The following GALNT12 variants were observed in gnomAD, a reference collection of about 807,000 sequenced individuals.
The protein encoded by GALNT12 is UDP-GalNAc:polypeptide N-acetylgalactosaminyltransferase 12.
Under a neutral mutation model 55.5 loss-of-function variants are expected in GALNT12, and 45 were observed. The ratio of observed to expected loss-of-function variants is 0.81; its 90% CI spans 0.64 to 1.04. The LOEUF (loss-of-function observed/expected upper bound fraction) is 1.04, where lower values mean the gene tolerates loss of function less well. Among genes scored for constraint, GALNT12 ranks in the 50% least tolerant of loss-of-function variants. The pLI, the probability that GALNT12 is intolerant of heterozygous loss-of-function variation, is 0.00. For missense variants in GALNT12, 709 were observed against 754.8 expected (o/e 0.94, Z 0.71); for synonymous variants, 304 against 312.2 (o/e 0.97, Z 0.28).
chr9:98,820,612 C>G (rs906150902), intron 1 of GALNT12, among the ~76,000 whole-genome samples: 1 of 152,108 alleles, frequency 6.6e-6, no homozygotes, highest in African/African-American at 2.4e-5. Flanking sequence ...GGGTGTGTAC[C>G]CAGTAATGGG....
chr9:98,834,126 T>A (rs1836071610), intron 4 of GALNT12, among the ~76,000 whole-genome samples: 1 of 149,606 alleles, frequency 6.7e-6, no homozygotes, highest in African/African-American at 2.5e-5. Flanking sequence ...TCTTTCCCTA[T>A]TTTTTTTTTC....
At chr9:98,815,145 T>C (rs1006832708) in intron 1 of GALNT12, among the ~76,000 whole-genome samples, 3 of 152,212 alleles carry the variant, frequency 2.0e-5, no homozygotes, top group Non-Finnish European at 4.4e-5. Context: ...AGTGTTTTTT[T>C]CTGGAAGCAA....
At chr9:98,844,020 C>A (rs968827331) in intron 7 of GALNT12, 76 bp from the exon 8 acceptor site, 143 of 988,120 alleles carry the variant, frequency 1.4e-4, no homozygotes, top group Non-Finnish European at 2.0e-4. Flanking sequence ...ATGCCAGGTA[C>A]CCTCCCCAAG....
intron 5 of GALNT12, among the ~76,000 whole-genome samples, chr9:98,836,383 C>T (rs1230919160): frequency 2.0e-5 from 3 of 152,302 alleles, no homozygotes; most frequent in Non-Finnish European, 2.9e-5. Flanking sequence ...CGAGGACTCA[C>T]GCCCTCTGTA....
chr9:98,814,276 A>C (rs527588553), intron 1 of GALNT12, among the ~76,000 whole-genome samples: 5 of 152,354 alleles, frequency 3.3e-5, no homozygotes, highest in South Asian at 2.1e-4. Flanking sequence ...TGCAGTGTAC[A>C]GTGAAGAAAG....
chr9:98,808,051 C>T lies in GALNT12; in HGVS notation c.353C>T (p.Pro118Leu). The change falls in exon 1 of 10, where the codon CCC becomes CTC. Residue 118 changes from proline (P) to leucine (L), a missense_variant. Pro to Leu is a moderately conservative substitution (Grantham distance 98, BLOSUM62 -3). Coordinates refer to ENST00000375011, the MANE Select transcript of GALNT12 (RefSeq NM_024642.5). ...CGCATCTCACTGCACCGCCGCCTGC[C>T]CGAGCGCTGGAACCCGCTGTGAGTG... Reference protein sequence around the residue: ...SDRISLHRRLPERWNPLCKEK... With the variant: ...SDRISLHRRLLERWNPLCKEK... The T allele has an allele frequency of 1.9e-6, 3 of 1,581,522 alleles. No homozygotes were observed. In the South Asian group the frequency reaches 3.5e-5, roughly 18 times the overall value.
At position 98,835,334 on chromosome 9, in the gene GALNT12, T is replaced by G; in HGVS notation, c.1003T>G (p.Trp335Gly). Residue 335 changes from tryptophan (W) to glycine (G), a missense_variant, in exon 5 of 10, where the codon TGG (tryptophan) becomes GGG (glycine). Trp to Gly is a radical substitution (Grantham distance 184). This residue lies in a region of GALNT12 where 17 missense variants were observed against 33.1 expected (regional missense o/e 0.51). Transcript: ENST00000375011. ...GTCTTATGATACAGGAATGGAAGTTTGGGGAGGAGAAAACCTCGAATTTTC... is the reference window on the plus strand; with the variant it reads ...GTCTTATGATACAGGAATGGAAGTTGGGGGAGGAGAAAACCTCGAATTTTC... ...LGSYDTGMEV[W>G]GGENLEFSFR... 1 of 1,613,296 alleles carries G rather than the reference T, an allele frequency of 6.2e-7. No individual in the cohort carries two copies. The highest frequency in any genetic ancestry group is 8.5e-7 in the Non-Finnish European group (1 of 1,179,204).
intron 1 of GALNT12, among the ~76,000 whole-genome samples, chr9:98,818,279 A>G (rs1835660365): frequency 1.3e-5 from 2 of 151,466 alleles, no homozygotes; most frequent in African/African-American, 4.9e-5. Context: ...CTGGAGTGCA[A>G]TGGTGCTATC....
intron 3 of GALNT12, among the ~76,000 whole-genome samples, chr9:98,831,415 T>C (rs1835989318): frequency 6.6e-6 from 1 of 152,186 alleles, no homozygotes; most frequent in South Asian, 2.1e-4. Context: ...CCTTTGTTCT[T>C]AGGAGATAAG....
chr9:98,816,711 C>T lies in GALNT12; in HGVS notation c.372-6545C>T, dbSNP rs972566394. On this transcript the variant is annotated intron_variant, in intron 1 of 9. Transcript: ENST00000375011. Reference sequence around the variant, plus strand: ...TGTCACCCAGGCTGGAGTGCAATGGCGCCATCTCAGCTCACTGCCACCCCC... The same window carrying T: ...TGTCACCCAGGCTGGAGTGCAATGGTGCCATCTCAGCTCACTGCCACCCCC... Among the ~76,000 whole-genome samples, 7 of 149,410 alleles carry T rather than the reference C, an allele frequency of 4.7e-5. No individual in the cohort carries two copies. The East Asian group carries it at 5.9e-4, about 13-fold the overall frequency.
At chr9:98,831,344 A>G (rs1233546132) in intron 3 of GALNT12, among the ~76,000 whole-genome samples, 1 of 152,226 alleles carries the variant, frequency 6.6e-6, no homozygotes, top group Non-Finnish European at 1.5e-5. Flanking sequence ...CACACAACAA[A>G]TAAATAGCAG....
chr9:98,848,717 G>T (rs776316847), intron 9 of GALNT12: 55 of 582,386 alleles, frequency 9.4e-5, no homozygotes, highest in Non-Finnish European at 8.9e-5. Flanking sequence ...CACATGCCCA[G>T]AGCAGCCAGC....
intron 1 of GALNT12, among the ~76,000 whole-genome samples, chr9:98,822,300 C>T (rs1416371916): frequency 6.6e-6 from 1 of 152,246 alleles, no homozygotes. Flanking sequence ...ACCTTCCCAT[C>T]AGCTACTTCC....
chr9:98,827,092 C>T (rs1267513770), intron 3 of GALNT12, 151 bp downstream of exon 3: 2 of 842,014 alleles, frequency 2.4e-6, no homozygotes, highest in Non-Finnish European at 3.8e-6. Context: ...CTGCTTAGTT[C>T]GGCTGTTGAG....
At chr9:98,826,188 C>T (rs1257697679) in intron 2 of GALNT12, among the ~76,000 whole-genome samples, 1 of 152,098 alleles carries the variant, frequency 6.6e-6, no homozygotes, top group Non-Finnish European at 1.5e-5. Flanking sequence ...AGGGATAATA[C>T]TATCACCTGC....
chr9:98,820,777 TA>T (rs1384878386), intron 1 of GALNT12, among the ~76,000 whole-genome samples: 1 of 152,230 alleles, frequency 6.6e-6, no homozygotes, highest in African/African-American at 2.4e-5. Context: ...CTTGACTTTT[TA>T]ATAATAGCCA....
At chr9:98,843,393 A>G (rs1836339921) in intron 7 of GALNT12, among the ~76,000 whole-genome samples, 2 of 151,992 alleles carry the variant, frequency 1.3e-5, no homozygotes, top group Non-Finnish European at 2.9e-5. Flanking sequence ...AAGTGATTTA[A>G]ATTAATTCTT....
At chr9:98,825,021 T>C (rs1189604254) in intron 2 of GALNT12, among the ~76,000 whole-genome samples, 1 of 152,176 alleles carries the variant, frequency 6.6e-6, no homozygotes, top group African/African-American at 2.4e-5. Flanking sequence ...AAACTTGGCT[T>C]CAGCCTCTAT....
chr9:98,844,911 G>A (rs1836377823), intron 8 of GALNT12, among the ~76,000 whole-genome samples: 1 of 152,088 alleles, frequency 6.6e-6, no homozygotes. Flanking sequence ...AGAAGTGTTG[G>A]TTCTGGGCCT....
Sources: allele counts gnomAD v4.1 joint callset (sites outside exome capture counted in the v4.1 genomes callset), GRCh38; gene constraint gnomAD v4.1.1; regional missense constraint gnomAD v4.1.1; transcripts MANE v1.5; gene names NCBI Gene and HGNC (gene_info 2026-07-23, HGNC 2026-07-21).